The following ADAM22 variants were observed in gnomAD, a reference collection of about 807,000 sequenced individuals.
ADAM22 encodes the protein disintegrin and metalloproteinase domain-containing protein 22.
A neutral mutation model predicts 144.6 loss-of-function variants in ADAM22; 65 were observed. That is an observed-to-expected ratio of 0.45 (90% CI 0.37 to 0.55). The LOEUF (loss-of-function observed/expected upper bound fraction) is 0.55. ADAM22 is among the 20% of genes least tolerant of loss of function. ADAM22 has a pLI of 0.00. For synonymous variants in ADAM22, 391 were observed against 412.6 expected, an observed-to-expected ratio of 0.95 and a Z score of 0.63; for missense variants, 974 against 1,184.9, an observed-to-expected ratio of 0.82 and a Z score of 2.61.
chr7:88,061,721 G>A (rs939002960), intron 3 of ADAM22, among the ~76,000 whole-genome samples: 2 of 152,066 alleles, frequency 1.3e-5, no homozygotes, highest in Non-Finnish European at 2.9e-5. Context: ...AGTAGATTTA[G>A]GATAATTCCT....
Position 88,145,419 on chromosome 7 carries a change from G to A in ADAM22, c.1397G>A (p.Cys466Tyr), listed in dbSNP as rs776432293. The A allele has an allele frequency of 6.2e-7, 1 of 1,612,286 alleles. No individual in the cohort carries two copies. Residue 466 changes from cysteine to tyrosine, a missense_variant, in exon 17 of 32, where the codon TGT becomes TAT. This residue lies in a region of ADAM22 where 734 missense variants were observed against 950.6 expected (regional missense o/e 0.77). Transcript: ENST00000413139. ...EECDCGTPAE[C>Y]VLEGAECCKK... is the part of the protein sequence containing the mutation. ...GAAAATGTTTATATTCCTTAGGAATGTGTCCTTGAAGGAGCAGAGTGTTGT... is the reference window on the plus strand; with the variant it reads ...GAAAATGTTTATATTCCTTAGGAATATGTCCTTGAAGGAGCAGAGTGTTGT...
At chr7:87,934,915 G>A in intron 1 of ADAM22, 111 bp from the exon 2 acceptor site, 1 of 1,469,982 alleles carries the variant, frequency 6.8e-7, no homozygotes, top group South Asian at 1.2e-5. Context: ...GGAGGGGGCG[G>A]TGGGGATTTT....
At chr7:87,984,533 G>T (rs896106565) in intron 3 of ADAM22, among the ~76,000 whole-genome samples, 3 of 152,234 alleles carry the variant, frequency 2.0e-5, no homozygotes, top group African/African-American at 7.2e-5. Context: ...GTTTTGCAAG[G>T]AATTGTCCAC....
intron 4 of ADAM22, among the ~76,000 whole-genome samples, chr7:88,096,230 CTTT>C (rs35118504): frequency 2.0e-5 from 3 of 146,846 alleles, no homozygotes; most frequent in Non-Finnish European, 1.5e-5. Flanking sequence ...GCTGAAAATA[CTTT>C]TTTTTTTTTT....
At chr7:88,101,738 C>G (rs185748877) in intron 4 of ADAM22, among the ~76,000 whole-genome samples, 70 of 152,302 alleles carry the variant, frequency 4.6e-4, no homozygotes, top group African/African-American at 1.5e-3. Context: ...GAAGGGTCAG[C>G]TCAGGAACTA....
chr7:88,188,738 A>G (rs1259980499), intron 30 of ADAM22, among the ~76,000 whole-genome samples: 2 of 152,182 alleles, frequency 1.3e-5, no homozygotes, highest in African/African-American at 4.8e-5. Flanking sequence ...GGAGACCCAA[A>G]GTGCATCCAC....
At chr7:87,946,754 C>G (rs1365504219) in intron 2 of ADAM22, among the ~76,000 whole-genome samples, 1 of 152,154 alleles carries the variant, frequency 6.6e-6, no homozygotes, top group Non-Finnish European at 1.5e-5. Flanking sequence ...AAGACACATG[C>G]ACTCATGTTC....
At chr7:88,187,947 G>C (rs1399839667) in intron 30 of ADAM22, among the ~76,000 whole-genome samples, 2 of 151,534 alleles carry the variant, frequency 1.3e-5, no homozygotes, top group African/African-American at 4.8e-5. Flanking sequence ...CTGTCCCTCT[G>C]CTTGTCCCAC....
intron 25 of ADAM22, among the ~76,000 whole-genome samples, chr7:88,170,493 A>G (rs887837144): frequency 1.3e-5 from 2 of 151,928 alleles, no homozygotes; most frequent in Admixed American, 1.3e-4. Flanking sequence ...TTGGAACCGT[A>G]TGGCTCAGGA....
At chr7:88,072,087 A>G (rs1169102821) in intron 3 of ADAM22, among the ~76,000 whole-genome samples, 1 of 152,228 alleles carries the variant, frequency 6.6e-6, no homozygotes, top group Admixed American at 6.5e-5. Context: ...TTTAAATTTA[A>G]GGATTCTCAC....
chr7:87,944,707 G>A (rs1467498020), intron 2 of ADAM22, among the ~76,000 whole-genome samples: 1 of 152,026 alleles, frequency 6.6e-6, no homozygotes, highest in Non-Finnish European at 1.5e-5. Context: ...GGTCAGGTCA[G>A]TATCCTTCTG....
intron 27 of ADAM22, among the ~76,000 whole-genome samples, chr7:88,180,949 G>GTAC (rs1390265124): frequency 6.6e-6 from 1 of 152,072 alleles, no homozygotes; most frequent in Non-Finnish European, 1.5e-5. Flanking sequence ...TAGCCAACAT[G>GTAC]TACTACACTT....
intron 14 of ADAM22, among the ~76,000 whole-genome samples, chr7:88,142,465 C>T (rs913175836): frequency 3.3e-5 from 5 of 152,226 alleles, no homozygotes; most frequent in Non-Finnish European, 7.4e-5. Flanking sequence ...TTTCCCAACT[C>T]TCCTTGATTT....
At chr7:88,053,930 A>G (rs2129475187) in intron 3 of ADAM22, among the ~76,000 whole-genome samples, 1 of 152,332 alleles carries the variant, frequency 6.6e-6, no homozygotes, top group African/African-American at 2.4e-5. Flanking sequence ...CAGGAGTTCA[A>G]GATCAGCCTG....
chr7:88,008,764 G>C (rs991053028), intron 3 of ADAM22, among the ~76,000 whole-genome samples: 18 of 151,830 alleles, frequency 1.2e-4, no homozygotes, highest in African/African-American at 4.1e-4. Context: ...GTGGGGGTAG[G>C]GGGTATAGCA....
intron 3 of ADAM22, among the ~76,000 whole-genome samples, chr7:88,036,410 C>T (rs1801536046): frequency 6.6e-6 from 1 of 152,020 alleles, no homozygotes; most frequent in Non-Finnish European, 1.5e-5. Context: ...TGGGGATGGA[C>T]ATGAAAGGGA....
chr7:88,117,983 G>A (rs1382175426), intron 7 of ADAM22, among the ~76,000 whole-genome samples: 1 of 152,128 alleles, frequency 6.6e-6, no homozygotes, highest in East Asian at 1.9e-4. Flanking sequence ...GTGAGCCACT[G>A]TGCCCGGCCT....
rs185580128 is a variant in ADAM22 at position 87,937,338 on chromosome 7, C to T, written c.246+2152C>T. Among the ~76,000 whole-genome samples, 6 of 152,106 alleles carry T rather than the reference C, an allele frequency of 3.9e-5. No homozygotes were observed. The East Asian group carries it at 1.2e-3, about 29-fold the overall frequency. On this transcript the variant is annotated intron_variant, in intron 2 of 31. Transcript: ENST00000413139. ...CTTTTTTTTCCCCTTGCAATTTTTT[C>T]AGTGAAGACATGGAGTCTTTCATCT...
At chr7:88,019,513 C>A (rs1427356594) in intron 3 of ADAM22, among the ~76,000 whole-genome samples, 1 of 151,616 alleles carries the variant, frequency 6.6e-6, no homozygotes, top group Non-Finnish European at 1.5e-5. Flanking sequence ...GTTTAGCATA[C>A]TGACTTTGAA....
Sources: allele counts gnomAD v4.1 joint callset (sites outside exome capture counted in the v4.1 genomes callset), GRCh38; gene constraint gnomAD v4.1.1; regional missense constraint gnomAD v4.1.1; transcripts MANE v1.5; gene names NCBI Gene and HGNC (gene_info 2026-07-23, HGNC 2026-07-21).